The following NEK4 variants were observed in gnomAD, a reference collection of about 807,000 sequenced individuals.
NEK4 encodes serine/threonine-protein kinase Nek4.
Under a neutral mutation model 98.4 loss-of-function variants are expected in NEK4, and 86 were observed. That is an observed-to-expected ratio of 0.87 (90% CI 0.73 to 1.05). The LOEUF (loss-of-function observed/expected upper bound fraction) is 1.05. NEK4 is among the 50% of genes least tolerant of loss of function. The pLI, the probability that NEK4 is intolerant of heterozygous loss-of-function variation, is 0.00. For synonymous variants in NEK4, 328 were observed against 342.2 expected, an observed-to-expected ratio of 0.96 and a Z score of 0.46; for missense variants, 898 against 950.3, an observed-to-expected ratio of 0.94 and a Z score of 0.72.
At chr3:52,714,455 C>A (rs1424408098) in intron 15 of NEK4, among the ~76,000 whole-genome samples, 1 of 152,218 alleles carries the variant, frequency 6.6e-6, no homozygotes, top group African/African-American at 2.4e-5. Context: ...CTGTGCCCCG[C>A]GCCCCTGAAG....
At chr3:52,745,821 C>T (rs1261978296) in intron 10 of NEK4, among the ~76,000 whole-genome samples, 2 of 152,124 alleles carry the variant, frequency 1.3e-5, no homozygotes, top group African/African-American at 4.8e-5. Flanking sequence ...CTTTTGGGTT[C>T]AAGCCATCCT....
chr3:52,734,727 C>T (rs1473744244), intron 15 of NEK4: 2 of 173,760 alleles, frequency 1.2e-5, no homozygotes, highest in African/African-American at 2.4e-5. Flanking sequence ...ATCAAAACTA[C>T]CAGTACAATT....
intron 8 of NEK4, among the ~76,000 whole-genome samples, chr3:52,747,806 T>C (rs1326138718): frequency 6.8e-6 from 1 of 147,972 alleles, no homozygotes; most frequent in African/African-American, 2.5e-5. Flanking sequence ...AAAAGTCAGA[T>C]GTAGTGATAT....
intron 6 of NEK4, chr3:52,754,126 C>G: frequency 1.5e-5 from 4 of 260,970 alleles, no homozygotes; most frequent in Middle Eastern, 1.4e-3. Context: ...CGCACCACTG[C>G]ACTCTAGCCT....
chr3:52,763,687 T>C, intron 4 of NEK4, 63 bp from the exon 5 acceptor site: 11 of 1,262,768 alleles, frequency 8.7e-6, no homozygotes, highest in Non-Finnish European at 1.2e-5. Context: ...TAAAAGCTGG[T>C]AGAGGTTTCC....
At chr3:52,737,211 T>C (rs1578647898) in intron 15 of NEK4, among the ~76,000 whole-genome samples, 2 of 152,166 alleles carry the variant, frequency 1.3e-5, no homozygotes, top group East Asian at 3.9e-4. Flanking sequence ...CCTAAAGTGC[T>C]GTGATTACAG....
Position 52,710,750 on chromosome 3 carries a change from A to G in NEK4, c.*1027T>C, listed in dbSNP as rs1233813776. On this transcript the variant is annotated 3_prime_UTR_variant, in exon 16 of 16. Transcript: ENST00000233027. Reference sequence around the variant, plus strand: ...GCACTCCAGCCTGACTGACAGAGTGAAACTCTGTCTCAAAAAAAAAACACC... The same window carrying G: ...GCACTCCAGCCTGACTGACAGAGTGGAACTCTGTCTCAAAAAAAAAACACC... The G allele has an allele frequency of 6.6e-6, 1 of 152,166 alleles. No individual in the cohort carries two copies. The highest frequency in any genetic ancestry group is 1.5e-5 in the Non-Finnish European group (1 of 68,022). The allele number at this position is 152,166 out of a possible 1,614,324, so 9.4% of individuals were successfully genotyped here.
intron 15 of NEK4, among the ~76,000 whole-genome samples, chr3:52,730,152 A>G (rs1177186438): frequency 1.3e-5 from 2 of 152,176 alleles, no homozygotes; most frequent in East Asian, 3.8e-4. Flanking sequence ...AGAACTATGA[A>G]CAATTGTATG....
chr3:52,714,977 G>A (rs1162507837), intron 15 of NEK4, among the ~76,000 whole-genome samples: 1 of 152,232 alleles, frequency 6.6e-6, no homozygotes, highest in East Asian at 1.9e-4. Context: ...GGAGTGGAGG[G>A]CAGCTTGGCA....
At chr3:52,752,929 T>TACACACACACACAC (rs1215610708) in intron 6 of NEK4, among the ~76,000 whole-genome samples, 80 of 49,702 alleles carry the variant, frequency 1.6e-3, no homozygotes, top group Non-Finnish European at 3.1e-3. Flanking sequence ...TATATATATA[T>TACACACACACACAC]ATATACACAC....
intron 7 of NEK4, among the ~76,000 whole-genome samples, chr3:52,751,005 C>G (rs565585393): frequency 6.6e-6 from 1 of 152,174 alleles, no homozygotes; most frequent in East Asian, 1.9e-4. Flanking sequence ...ACCTTGAAAA[C>G]ATCAGGTTAA....
chr3:52,739,376 G>A (rs2097381823), intron 14 of NEK4, 53 bp downstream of exon 14: 2 of 1,474,934 alleles, frequency 1.4e-6, no homozygotes, highest in Non-Finnish European at 1.9e-6. Flanking sequence ...TCCAGCCTGG[G>A]TGACAGAGTG....
intron 15 of NEK4, among the ~76,000 whole-genome samples, chr3:52,726,598 CAA>C (rs35224191): frequency 1.9e-5 from 2 of 104,092 alleles, no homozygotes. Flanking sequence ...GACTCCGTCT[CAA>C]AAAAAAAAAA....
intron 15 of NEK4, among the ~76,000 whole-genome samples, chr3:52,731,467 T>A (rs774110843): frequency 2.0e-5 from 3 of 152,204 alleles, no homozygotes; most frequent in African/African-American, 7.2e-5. Context: ...AGGATAGATA[T>A]ATAGATCAGC....
chr3:52,752,081 C>T lies in NEK4; in HGVS notation c.1219G>A (p.Glu407Lys). The change falls in exon 7 of 16, where the codon GAA (glutamate) becomes AAA (lysine). Residue 407 changes from glutamate (E) to lysine (K), a missense_variant. Glu to Lys is a moderately conservative substitution (Grantham distance 56). Transcript: ENST00000233027. Reference sequence around the variant, plus strand: ...GTGTTGTCCTGCAGCATCTCCTCTTCCACTTGAGAAATACTGCATATACCT... The same window carrying T: ...GTGTTGTCCTGCAGCATCTCCTCTTTCACTTGAGAAATACTGCATATACCT... ...LGGICSISQV[E>K]EEMLQDNTKS... The T allele has an allele frequency of 6.2e-7, 1 of 1,614,246 alleles. No individual in the cohort carries two copies. Among genetic ancestry groups the T allele is most frequent in the Admixed American group, 1.7e-5 (1 of 60,022 alleles).
chr3:52,736,038 G>A (rs1005238235), intron 15 of NEK4, among the ~76,000 whole-genome samples: 3 of 152,074 alleles, frequency 2.0e-5, no homozygotes, highest in Admixed American at 2.0e-4. Flanking sequence ...TATGAGAAGT[G>A]GAGGAAAAAC....
At chr3:52,720,149 GGCATAT>G (rs2097358776) in intron 15 of NEK4, among the ~76,000 whole-genome samples, 1 of 152,032 alleles carries the variant, frequency 6.6e-6, no homozygotes, top group South Asian at 2.1e-4. Context: ...TGGGCGTGGT[GGCATAT>G]GCCTGTAGTT....
At chr3:52,745,087 A>G (rs2097393790) in intron 10 of NEK4, among the ~76,000 whole-genome samples, 1 of 151,484 alleles carries the variant, frequency 6.6e-6, no homozygotes, top group Non-Finnish European at 1.5e-5. Context: ...GGCTAATTTT[A>G]TTTTTGTATT....
At chr3:52,726,104 A>T (rs2097364232) in intron 15 of NEK4, among the ~76,000 whole-genome samples, 1 of 152,228 alleles carries the variant, frequency 6.6e-6, no homozygotes, top group South Asian at 2.1e-4. Context: ...AATTAAAAAA[A>T]GGTTACAAGA....
Sources: gnomAD v4.1 joint callset for allele counts (sites outside exome capture counted in the v4.1 genomes callset) on GRCh38, gnomAD v4.1.1 for gene constraint, MANE v1.5 for transcripts, NCBI Gene and HGNC (gene_info 2026-07-23, HGNC 2026-07-21) for gene names.